Variants in SAMD5 observed in about 807,000 individuals in gnomAD.
The protein encoded by SAMD5 is sterile alpha motif domain-containing protein 5.
SAMD5 carries 13 observed loss-of-function variants against 11.3 expected under a neutral mutation model. The ratio of observed to expected loss-of-function variants is 1.15; its 90% confidence interval spans 0.75 to 1.83. The LOEUF (loss-of-function observed/expected upper bound fraction) is 1.83. SAMD5 is among the 40% of genes most tolerant of loss of function. The pLI, the probability that SAMD5 is intolerant of heterozygous loss-of-function variation, is 0.00. For synonymous variants in SAMD5, 129 were observed against 111.3 expected (o/e 1.16, Z -1.00); for missense variants, 255 against 239.1 (o/e 1.07, Z -0.44).
chr6:147,860,053 T>G, the SAMD5 span, among the ~76,000 whole-genome samples: 2 of 152,172 alleles, frequency 1.3e-5, no homozygotes, highest in Non-Finnish European at 2.9e-5. Context: ...AGCTGAAATT[T>G]ATCGTCCCAC....
At chr6:147,668,959 TC>T (rs1188331260) in intron 1 of SAMD5, among the ~76,000 whole-genome samples, 3 of 152,178 alleles carry the variant, frequency 2.0e-5, no homozygotes, top group African/African-American at 7.2e-5. Flanking sequence ...ATGCTAACAA[TC>T]ATCTGAGCCT....
the SAMD5 span, among the ~76,000 whole-genome samples, chr6:147,772,808 C>A: frequency 2.6e-5 from 4 of 152,246 alleles, no homozygotes; most frequent in East Asian, 5.8e-4. Flanking sequence ...AATACAGTCA[C>A]CTTCTGAGGT....
At chr6:147,783,788 T>A in the SAMD5 span, among the ~76,000 whole-genome samples, 2 of 152,258 alleles carry the variant, frequency 1.3e-5, no homozygotes, top group Non-Finnish European at 2.9e-5. Context: ...TTCACTGAGG[T>A]ATTTTTCTTC....
At chr6:147,549,578 C>A (rs1403239252) in intron 1 of SAMD5, among the ~76,000 whole-genome samples, 1 of 152,164 alleles carries the variant, frequency 6.6e-6, no homozygotes, top group Non-Finnish European at 1.5e-5. Context: ...CATCACCAAG[C>A]AGCCAACCCC....
chr6:147,754,015 A>G, the SAMD5 span, among the ~76,000 whole-genome samples: 1 of 152,184 alleles, frequency 6.6e-6, no homozygotes, highest in East Asian at 1.9e-4. Context: ...AAACATGAAA[A>G]TATAGATGTC....
At chr6:147,610,315 G>A (rs1789764618) in intron 1 of SAMD5, among the ~76,000 whole-genome samples, 1 of 152,008 alleles carries the variant, frequency 6.6e-6, no homozygotes, top group Non-Finnish European at 1.5e-5. Context: ...AAAATAGGAG[G>A]AAAAAAATGT....
At chr6:147,640,829 G>C (rs1790302028) in intron 1 of SAMD5, among the ~76,000 whole-genome samples, 1 of 152,140 alleles carries the variant, frequency 6.6e-6, no homozygotes, top group Non-Finnish European at 1.5e-5. Context: ...CAATGCTATT[G>C]ACCTACAAAG....
At chr6:147,800,154 A>C in the SAMD5 span, among the ~76,000 whole-genome samples, 1 of 152,264 alleles carries the variant, frequency 6.6e-6, no homozygotes, top group Non-Finnish European at 1.5e-5. Flanking sequence ...TCTGATTTTT[A>C]GAGTTTCCAG....
the SAMD5 span, among the ~76,000 whole-genome samples, chr6:147,839,824 T>A: frequency 6.6e-6 from 1 of 152,214 alleles, no homozygotes; most frequent in Non-Finnish European, 1.5e-5. Context: ...AGTGACAGTA[T>A]AAGTGCCTAT....
intron 1 of SAMD5, among the ~76,000 whole-genome samples, chr6:147,516,195 C>G (rs186206173): frequency 3.0e-4 from 45 of 152,348 alleles, no homozygotes; most frequent in African/African-American, 1.0e-3. Context: ...CTCTTCTATG[C>G]TTAATACCTG....
At position 147,509,068 on chromosome 6, in the gene SAMD5, T is replaced by C. The variant is rs1477180622; in HGVS notation, c.140T>C (p.Leu47Pro). Residue 47 changes from leucine (L) to proline (P), a missense_variant, in exon 1 of 2, where the codon CTG (leucine) becomes CCG (proline). Coordinates refer to ENST00000367474, the MANE Select transcript of SAMD5 (RefSeq NM_001030060.3). ...GDPDLDAIGV[L>P]APAHRRRILE... ...CCGGACCTGGATGCCATCGGGGTGC[T>C]GGCGCCCGCGCACCGCCGCCGTATC... 1.9e-6 allele frequency: 3 copies of C among 1,602,950 alleles called. No homozygotes were observed. The African/African-American group carries it at 4.0e-5, about 22-fold the overall frequency.
chr6:147,705,738 A>G (rs1317475024), intron 1 of SAMD5, among the ~76,000 whole-genome samples: 1 of 152,218 alleles, frequency 6.6e-6, no homozygotes, highest in African/African-American at 2.4e-5. Context: ...AGGTTTTGAC[A>G]TAGAGTAACC....
the SAMD5 span, among the ~76,000 whole-genome samples, chr6:147,766,115 ACAC>A: frequency 0.072 from 10,779 of 149,552 alleles, 463 homozygotes; most frequent in Non-Finnish European, 0.094. Flanking sequence ...AAAAAAAAAA[ACAC>A]AAAAAAAGAA....
chr6:147,649,061 C>A (rs1790445144), intron 1 of SAMD5, among the ~76,000 whole-genome samples: 1 of 152,158 alleles, frequency 6.6e-6, no homozygotes, highest in Non-Finnish European at 1.5e-5. Flanking sequence ...TGTTTATGTT[C>A]CATGTAATGT....
Position 147,592,329 on chromosome 6 carries a change from T to C in SAMD5, c.162+82942T>C, listed in dbSNP as rs1016491879. Among the ~76,000 whole-genome samples, 3 of 151,972 alleles carry C rather than the reference T, an allele frequency of 2.0e-5. No individual in the cohort carries two copies. In the South Asian group the frequency reaches 6.2e-4, roughly 32 times the overall value. On this transcript the variant is annotated intron_variant, in intron 1 of 1. Coordinates refer to the SAMD5 transcript ENST00000566741. ...GCTGCAGAAGGTTTCTCTCCCACCA[T>C]AGAAATGAAGAGGCAGCTAGAATGA...
intron 1 of SAMD5, among the ~76,000 whole-genome samples, chr6:147,546,787 A>G (rs1788694662): frequency 6.6e-6 from 1 of 152,226 alleles, no homozygotes; most frequent in African/African-American, 2.4e-5. Flanking sequence ...AAAAATGCCA[A>G]AAATGCATGG....
At chr6:147,718,273 G>T (rs1246593970) in intron 1 of SAMD5, among the ~76,000 whole-genome samples, 1 of 152,146 alleles carries the variant, frequency 6.6e-6, no homozygotes, top group Non-Finnish European at 1.5e-5. Flanking sequence ...TGCAGTGACT[G>T]GTGCACATCC....
At chr6:147,628,816 A>G (rs920210670) in intron 1 of SAMD5, among the ~76,000 whole-genome samples, 1 of 152,184 alleles carries the variant, frequency 6.6e-6, no homozygotes, top group Non-Finnish European at 1.5e-5. Flanking sequence ...TCACTGGTCT[A>G]TGTGATGACA....
chr6:147,904,547 C>T, the SAMD5 span, among the ~76,000 whole-genome samples: 8 of 152,178 alleles, frequency 5.3e-5, no homozygotes, highest in South Asian at 2.1e-4. Context: ...TTGTTACAGT[C>T]ATTTGCCCTG....
Sources: gnomAD v4.1 joint callset for allele counts (sites outside exome capture counted in the v4.1 genomes callset) on GRCh38, gnomAD v4.1.1 for gene constraint, MANE v1.5 for transcripts, NCBI Gene and HGNC (gene_info 2026-07-23, HGNC 2026-07-21) for gene names.